TPRN: variants seen among roughly 807,000 people sequenced by gnomAD.
TPRN encodes the protein chromosome 9 open reading frame 75.
TPRN carries 32 observed loss-of-function variants against 42.6 expected under a neutral mutation model. The ratio of observed to expected loss-of-function variants is 0.75; its 90% CI spans 0.57 to 1.01. TPRN has a LOEUF of 1.01. Ranked by LOEUF, TPRN falls within the 50% of genes least tolerant of loss-of-function variation. The pLI is 0.00. For synonymous variants in TPRN, 541 were observed against 445.6 expected (o/e 1.21, Z -2.70); for missense variants, 1,095 against 957.5 (o/e 1.14, Z -1.90).
chr9:137,192,578 C>G lies in TPRN; in HGVS notation c.1839G>C (p.Glu613Asp). ...CCTCTTCCTCCTCTTCCTCTTCCTCCTCCTCCTCCTCCTCCTCCTCCTGCT... is the reference window on the plus strand; with the variant it reads ...CCTCTTCCTCCTCTTCCTCTTCCTCGTCCTCCTCCTCCTCCTCCTCCTGCT... The part of the protein sequence containing the change: ...VDQQEEEEEE[E>D]EEEEEEEEGS... Residue 613 changes from glutamate to aspartate, a missense_variant, in exon 2 of 4, where the codon GAG (glutamate) becomes GAC (aspartate). Physicochemically the swap from Glu to Asp is conservative, Grantham distance 45 (BLOSUM62 2). Transcript: ENST00000409012. The G allele has an allele frequency of 6.2e-7, 1 of 1,606,480 alleles. No individual in the cohort carries two copies. The highest frequency in any genetic ancestry group is 8.5e-7 in the Non-Finnish European group (1 of 1,176,774).
rs745905643 is a variant in TPRN at position 137,199,068 on chromosome 9, G to A, written c.1644C>T (p.Thr548=). 2.7e-5 allele frequency: 43 copies of A among 1,613,184 alleles called. 1 individual carries two copies. The highest frequency in any genetic ancestry group is 2.6e-4 in the South Asian group (24 of 91,088). Residue 548 remains threonine (T), a synonymous_variant, in exon 1 of 4, where the codon ACC becomes ACT. Transcript: ENST00000409012. The stretch of plus-strand genomic sequence containing the variant: ...CGCCAATCACCTCGATCTCATGCAC[G>A]GTGGGGTAGCGCTTCTTCAACGTGG... ...LGPTLKKRYP[T]VHEIEVIGGY... is the part of the protein sequence containing the mutation.
intron 1 of TPRN, chr9:137,193,721 ACT>A (rs1834663472): frequency 6.6e-6 from 1 of 150,710 alleles, no homozygotes. Flanking sequence ...GAAATATTAA[ACT>A]CTTCCTGGGC....
In TPRN at chr9:137,192,669, T is replaced by C. The variant is rs139459217; in HGVS notation, c.1748A>G (p.Lys583Arg). 4,805 of 1,613,868 alleles carry C rather than the reference T, an allele frequency of 3.0e-3. 8 individuals carry two copies. Among genetic ancestry groups the C allele is most frequent in the Non-Finnish European group, 3.2e-3 (3,805 of 1,179,964 alleles). Reference sequence around the variant, plus strand: ...GTACTCAAATGTGGTCTGCAGGCTTTTGTCGTTGAAGGAGATCTTCATCTG... The same window carrying C: ...GTACTCAAATGTGGTCTGCAGGCTTCTGTCGTTGAAGGAGATCTTCATCTG... ...RKKMKISFND[K>R]SLQTTFEYPS... The change falls in exon 2 of 4, where the codon AAA becomes AGA. Residue 583 changes from lysine (K) to arginine (R), a missense_variant. Coordinates refer to ENST00000409012, the MANE Select transcript of TPRN (RefSeq NM_001128228.3).
intron 1 of TPRN, among the ~76,000 whole-genome samples, chr9:137,195,514 C>T (rs534780661): frequency 2.8e-4 from 43 of 152,244 alleles, no homozygotes; most frequent in Non-Finnish European, 5.6e-4. Flanking sequence ...AGGAGCCCAG[C>T]CTGGGGCTTG....
intron 1 of TPRN, 74 bp from the exon 2 acceptor site, chr9:137,192,765 C>T: frequency 6.4e-7 from 1 of 1,553,238 alleles, no homozygotes; most frequent in Non-Finnish European, 8.8e-7. Flanking sequence ...TCAGGTTCAG[C>T]CCTCAGGATG....
rs778859738 is a variant in TPRN at position 137,199,316 on chromosome 9, C to G, written c.1396G>C (p.Ala466Pro). The G allele has an allele frequency of 6.2e-7, 1 of 1,612,320 alleles. No homozygotes were observed. The highest frequency in any genetic ancestry group is 1.1e-5 in the South Asian group (1 of 91,088). Reference protein sequence around the residue: ...TFIDEVDSEEAPQAAKLPYLP... With the variant: ...TFIDEVDSEEPPQAAKLPYLP... ...TAGGGTAGTTTGGCTGCTTGGGGGGCCTCCTCCGAGTCTACCTCATCGATG... is the reference window on the plus strand; with the variant it reads ...TAGGGTAGTTTGGCTGCTTGGGGGGGCTCCTCCGAGTCTACCTCATCGATG... The change falls in exon 1 of 4, where the codon GCC becomes CCC. Residue 466 changes from alanine (A) to proline (P), a missense_variant. Transcript: ENST00000409012.
intron 1 of TPRN, chr9:137,193,038 G>A (rs1000823805): frequency 5.9e-6 from 2 of 340,606 alleles, no homozygotes; most frequent in African/African-American, 4.2e-5. Flanking sequence ...AGTGCCAGCT[G>A]GGGGGAAACT....
intron 1 of TPRN, among the ~76,000 whole-genome samples, chr9:137,197,782 G>C (rs567240577): frequency 1.3e-5 from 2 of 152,162 alleles, no homozygotes; most frequent in Admixed American, 6.5e-5. Flanking sequence ...GGCGAGGGTC[G>C]GGGAGATAGA....
chr9:137,197,774 C>T (rs963008563), intron 1 of TPRN, among the ~76,000 whole-genome samples: 9 of 152,190 alleles, frequency 5.9e-5, no homozygotes, highest in Admixed American at 1.3e-4. Flanking sequence ...GATGCTCGGG[C>T]GAGGGTCGGG....
At position 137,199,496 on chromosome 9, in the gene TPRN, G is replaced by C. The variant is rs1342024475; in HGVS notation, c.1216C>G (p.Leu406Val). ...TGCCACCTAATAGCCCGGTCAGCGAGGGCGGTGGCTGTCCTGGGACAGGCC... is the reference window on the plus strand; with the variant it reads ...TGCCACCTAATAGCCCGGTCAGCGACGGCGGTGGCTGTCCTGGGACAGGCC... ...EGACPRTATA[L>V]ADRAIRWQRP... Residue 406 changes from leucine (L) to valine (V), a missense_variant, in exon 1 of 4, where the codon CTC (leucine) becomes GTC (valine). Leu to Val is a conservative substitution (Grantham distance 32). Coordinates refer to ENST00000409012, the MANE Select transcript of TPRN (RefSeq NM_001128228.3). 1 of 1,585,126 alleles carries C rather than the reference G, an allele frequency of 6.3e-7. No individual in the cohort carries two copies. Among genetic ancestry groups the C allele is most frequent in the South Asian group, 1.1e-5 (1 of 88,064 alleles).
intron 1 of TPRN, among the ~76,000 whole-genome samples, chr9:137,196,585 C>T (rs1222141751): frequency 6.6e-6 from 1 of 151,972 alleles, no homozygotes; most frequent in African/African-American, 2.4e-5. Flanking sequence ...AAGACTCTGT[C>T]TCAAAAAACA....
In TPRN at chr9:137,200,086, G is replaced by A. The variant is rs1422130115; in HGVS notation, c.626C>T (p.Pro209Leu). The change falls in exon 1 of 4, where the codon CCC (proline) becomes CTC (leucine). Residue 209 changes from proline (P) to leucine (L), a missense_variant. Physicochemically the swap from Pro to Leu is moderately conservative, Grantham distance 98. Coordinates refer to ENST00000409012, the MANE Select transcript of TPRN (RefSeq NM_001128228.3). This position sits in a 1 kb window ranked among gnomAD's most constrained non-coding sequence, Gnocchi z 4.3. The part of the protein sequence containing the change: ...KTGSNSFTVH[P>L]RGLHRGAGAR... ...GCCCGCGCCGCGGTGCAGACCCCGG[G>A]GGTGGACGGTGAAGGAGTTGCTGCC... 1 of 1,395,368 alleles carries A rather than the reference G, an allele frequency of 7.2e-7. No individual in the cohort carries two copies. The highest frequency in any genetic ancestry group is 9.2e-7 in the Non-Finnish European group (1 of 1,081,614). The allele number at this position is 1,395,368 out of a possible 1,614,324, so 86.4% of individuals were successfully genotyped here. A position where few individuals can be genotyped will look rare whatever the true frequency, so the allele number is the denominator to read the frequency against.
intron 1 of TPRN, chr9:137,192,909 C>T: frequency 3.4e-6 from 2 of 594,596 alleles, no homozygotes; most frequent in East Asian, 2.8e-5. Flanking sequence ...CTCCCCATTC[C>T]AGCCAGGGAC....
chr9:137,198,895 A>G, intron 1 of TPRN, 92 bp downstream of exon 1: 3 of 1,596,622 alleles, frequency 1.9e-6, no homozygotes, highest in Non-Finnish European at 2.6e-6. Flanking sequence ...GCCCAGGCCA[A>G]GCGTCCTGGG....
At chr9:137,193,673 C>T (rs889836967) in intron 1 of TPRN, 5 of 152,368 alleles carry the variant, frequency 3.3e-5, no homozygotes, top group African/African-American at 1.2e-4. Context: ...ATGAGCGGCC[C>T]CCGCTTGCAG....
chr9:137,199,665 C>T lies in TPRN; in HGVS notation c.1047G>A (p.Gln349=). ...ASGAPPPEGR[Q]SVELPKGDLG... ...GGTCTCCCTTTGGCAGCTCCACGGACTGCCTCCCCTCAGGAGGAGGAGCCC... is the reference window on the plus strand; with the variant it reads ...GGTCTCCCTTTGGCAGCTCCACGGATTGCCTCCCCTCAGGAGGAGGAGCCC... The change falls in exon 1 of 4, where the codon CAG becomes CAA. Residue 349 remains glutamine, a synonymous_variant. Coordinates refer to ENST00000409012, the MANE Select transcript of TPRN (RefSeq NM_001128228.3). 1.3e-6 allele frequency: 2 copies of T among 1,592,374 alleles called. No individual in the cohort carries two copies. Among genetic ancestry groups the T allele is most frequent in the South Asian group, 2.3e-5 (2 of 88,244 alleles).
chr9:137,200,629 G>A lies in TPRN; in HGVS notation c.83C>T (p.Ala28Val). 1 of 1,188,518 alleles carries A rather than the reference G, an allele frequency of 8.4e-7. No individual in the cohort carries two copies. The highest frequency in any genetic ancestry group is 1.0e-6 in the Non-Finnish European group (1 of 958,190). The allele number at this position is 1,188,518 out of a possible 1,614,324, so 73.6% of individuals were successfully genotyped here. Residue 28 changes from alanine (A) to valine (V), a missense_variant, in exon 1 of 4, where the codon GCC becomes GTC. By Grantham distance (64) the Ala-to-Val change is moderately conservative. Coordinates refer to ENST00000409012, the MANE Select transcript of TPRN (RefSeq NM_001128228.3). This position sits in a 1 kb window ranked among gnomAD's most constrained non-coding sequence, Gnocchi z 4.3. The stretch of plus-strand genomic sequence containing the variant: ...GCCCCCGCCCAGCGCGGCTAGCTTG[G>A]CCCGCTTCCGCTCCAGGATCTCACG... ...WKREILERKR[A>V]KLAALGGGAG...
intron 1 of TPRN, among the ~76,000 whole-genome samples, chr9:137,195,542 G>A (rs941019889): frequency 5.9e-5 from 9 of 152,242 alleles, no homozygotes; most frequent in Non-Finnish European, 1.2e-4. Context: ...CCAGGAGGTG[G>A]TGTCAGTAGG....
rs562661031 is a variant in TPRN at position 137,199,659 on chromosome 9, C to T, written c.1053G>A (p.Val351=). ...GAPPPEGRQS[V]ELPKGDLGPA... Reference sequence around the variant, plus strand: ...GGCCCAGGTCTCCCTTTGGCAGCTCCACGGACTGCCTCCCCTCAGGAGGAG... The same window carrying T: ...GGCCCAGGTCTCCCTTTGGCAGCTCTACGGACTGCCTCCCCTCAGGAGGAG... The change falls in exon 1 of 4, where the codon GTG becomes GTA. Residue 351 remains valine (V), a synonymous_variant. Transcript: ENST00000409012. 1 of 1,585,820 alleles carries T rather than the reference C, an allele frequency of 6.3e-7. No homozygotes were observed. The highest frequency in any genetic ancestry group is 1.3e-5 in the African/African-American group (1 of 74,476).
Sources: gnomAD v4.1 joint callset for allele counts (sites outside exome capture counted in the v4.1 genomes callset) on GRCh38, gnomAD v4.1.1 for gene constraint, Gnocchi (gnomAD v3.1) non-coding constraint, MANE v1.5 for transcripts, NCBI Gene and HGNC (gene_info 2026-07-23, HGNC 2026-07-21) for gene names.